Variants in CCDC141 observed in about 807,000 individuals in gnomAD.
CCDC141 encodes coiled-coil domain containing 141.
In CCDC141, 168 loss-of-function variants were observed where a neutral mutation model predicts 181.0. The observed-to-expected ratio is 0.93, with a 90% CI of 0.82 to 1.05. CCDC141 has a LOEUF of 1.05. Among genes scored for constraint, CCDC141 ranks in the 50% least tolerant of loss-of-function variants. CCDC141 has a pLI of 0.00. For missense variants in CCDC141, 1,902 were observed against 1,788.5 expected (o/e 1.06, Z -1.14); for synonymous variants, 666 against 642.3 (o/e 1.04, Z -0.56).
At chr2:178,838,059 C>G (rs1684565506) in intron 22 of CCDC141, among the ~76,000 whole-genome samples, 1 of 152,126 alleles carries the variant, frequency 6.6e-6, no homozygotes, top group African/African-American at 2.4e-5. Context: ...ATCTTTCAAA[C>G]CATGATCTGG....
Position 178,984,347 on chromosome 2 carries a change from GC to G in CCDC141, c.226-5673del, listed in dbSNP as rs201042673. 8.9e-3 allele frequency among the ~76,000 whole-genome samples: 1,355 copies of G among 151,684 alleles called. 20 individuals carry two copies. Among genetic ancestry groups the G allele is most frequent in the African/African-American group, 0.032 (1,304 of 41,322 alleles). ...ACATGGAAAGGAACAACCAGTACCAGCCGCTGCAAAATCATGCCAAAATGTA... is the reference window on the plus strand; with the variant it reads ...ACATGGAAAGGAACAACCAGTACCAGCGCTGCAAAATCATGCCAAAATGTA... On this transcript the variant is annotated intron_variant, in intron 2 of 23. Transcript: ENST00000443758.
intron 2 of CCDC141, among the ~76,000 whole-genome samples, chr2:179,022,911 GCTAA>G (rs10580395): frequency 0.16 from 23,576 of 151,948 alleles, 2,240 homozygotes; most frequent in African/African-American, 0.26. Context: ...CCTCAGTATT[GCTAA>G]CTGAGTGGTC....
chr2:178,956,596 C>G (rs1177576093), intron 5 of CCDC141, among the ~76,000 whole-genome samples: 2 of 152,188 alleles, frequency 1.3e-5, no homozygotes, highest in Non-Finnish European at 2.9e-5. Context: ...ACCACCACGC[C>G]CAGCCTAAGA....
chr2:178,849,924 A>C, intron 21 of CCDC141, 125 bp downstream of exon 21: 1 of 592,530 alleles, frequency 1.7e-6, no homozygotes, highest in Non-Finnish European at 3.0e-6. Flanking sequence ...GAAAGCTGTA[A>C]AACAAATGTG....
At chr2:178,890,080 C>T (rs1687074690) in intron 8 of CCDC141, among the ~76,000 whole-genome samples, 1 of 151,590 alleles carries the variant, frequency 6.6e-6, no homozygotes, top group South Asian at 2.1e-4. Context: ...AATATGGAAA[C>T]CTGGAATGAG....
chr2:179,047,271 C>G lies in CCDC141; in HGVS notation c.225+13G>C. ...CTTTAATTTTGTTTCTGCTTCACAT[C>G]TTAGTATCTTACCTTGAGCTTGGCC... On this transcript the variant is annotated intron_variant, in intron 2 of 23. Transcript: ENST00000443758. 1.3e-6 allele frequency: 2 copies of G among 1,512,066 alleles called. No homozygotes were observed. Among genetic ancestry groups the G allele is most frequent in the Non-Finnish European group, 1.8e-6 (2 of 1,135,976 alleles). The allele number at this position is 1,512,066 out of a possible 1,614,324, so 93.7% of individuals were successfully genotyped here.
At chr2:178,935,933 TA>T (rs1198069554) in intron 6 of CCDC141, among the ~76,000 whole-genome samples, 1 of 152,168 alleles carries the variant, frequency 6.6e-6, no homozygotes, top group African/African-American at 2.4e-5. Flanking sequence ...ATCCACTTTT[TA>T]ATGGAGTTGT....
rs553164971 is a variant in CCDC141, at chr2:179,049,763, A to G, written c.102+77T>C. 4.7e-6 allele frequency: 7 copies of G among 1,480,606 alleles called. No individual in the cohort carries two copies. The African/African-American group carries it at 8.4e-5, about 18-fold the overall frequency. The allele number at this position is 1,480,606 out of a possible 1,614,324, so 91.7% of individuals were successfully genotyped here. A position where few individuals can be genotyped will look rare whatever the true frequency, so the allele number is the denominator to read the frequency against. On this transcript the variant is annotated intron_variant, in intron 1 of 23. Transcript: ENST00000443758. ...CTCTATGCTGTGTCCTGCCGATTGCATGGAATGTTCTTTAGGGTTTTCAAC... is the reference window on the plus strand; with the variant it reads ...CTCTATGCTGTGTCCTGCCGATTGCGTGGAATGTTCTTTAGGGTTTTCAAC...
At chr2:178,903,508 A>G (rs939701798) in intron 8 of CCDC141, among the ~76,000 whole-genome samples, 6 of 151,258 alleles carry the variant, frequency 4.0e-5, no homozygotes, top group Non-Finnish European at 7.4e-5. Context: ...TCGCAAGAAC[A>G]AAAAACCAAA....
intron 2 of CCDC141, among the ~76,000 whole-genome samples, chr2:179,015,296 A>ATC (rs2042445173): frequency 7.8e-6 from 1 of 129,008 alleles, no homozygotes; most frequent in Non-Finnish European, 1.6e-5. Flanking sequence ...CATATATCTC[A>ATC]TATATGTATC....
intron 4 of CCDC141, among the ~76,000 whole-genome samples, chr2:178,971,723 C>G (rs1471219674): frequency 6.6e-6 from 1 of 152,152 alleles, no homozygotes; most frequent in Non-Finnish European, 1.5e-5. Context: ...CATATACACA[C>G]ACCATAGAAT....
chr2:178,902,448 A>T (rs1041656482), intron 8 of CCDC141, among the ~76,000 whole-genome samples: 1 of 152,066 alleles, frequency 6.6e-6, no homozygotes, highest in Non-Finnish European at 1.5e-5. Flanking sequence ...CAGAAATAAC[A>T]CCGCATATCT....
chr2:179,025,571 T>C (rs905534722), intron 2 of CCDC141, among the ~76,000 whole-genome samples: 3 of 152,246 alleles, frequency 2.0e-5, no homozygotes, highest in Non-Finnish European at 4.4e-5. Context: ...AGCCTCTCTC[T>C]TTTGTAAATT....
intron 16 of CCDC141, 58 bp from the exon 17 acceptor site, chr2:178,865,974 A>G: frequency 7.7e-7 from 1 of 1,292,930 alleles, no homozygotes; most frequent in Non-Finnish European, 1.0e-6. Context: ...TAAGACGAGT[A>G]GGCTATTTAC....
chr2:178,865,671 G>A, intron 17 of CCDC141, 96 bp downstream of exon 17: 5 of 1,148,244 alleles, frequency 4.4e-6, no homozygotes, highest in Non-Finnish European at 5.8e-6. Flanking sequence ...GTTTGCATGT[G>A]TGTGGGAGTG....
At chr2:178,826,590 G>A, downstream of CCDC141, among the ~76,000 whole-genome samples, 1 of 151,980 alleles carries the variant, frequency 6.6e-6, no homozygotes, top group East Asian at 1.9e-4. Flanking sequence ...TTAATTATTG[G>A]TTCAATATCT....
At chr2:178,883,142 C>T (rs904607784) in intron 11 of CCDC141, among the ~76,000 whole-genome samples, 31 of 152,162 alleles carry the variant, frequency 2.0e-4, no homozygotes, top group Non-Finnish European at 2.9e-4. Flanking sequence ...GGTTCATTTT[C>T]GGCAATGAAG....
chr2:178,844,557 G>A (rs1575120970), intron 22 of CCDC141, among the ~76,000 whole-genome samples: 1 of 152,192 alleles, frequency 6.6e-6, no homozygotes, highest in East Asian at 1.9e-4. Flanking sequence ...GAGGAATCTG[G>A]GTTTAAGTCG....
At chr2:178,891,668 C>CA (rs898340016) in intron 8 of CCDC141, among the ~76,000 whole-genome samples, 1 of 152,012 alleles carries the variant, frequency 6.6e-6, no homozygotes, top group African/African-American at 2.4e-5. Context: ...CCCTCCAGCA[C>CA]AAAAAATAGG....
Sources: gnomAD v4.1 joint callset for allele counts (sites outside exome capture counted in the v4.1 genomes callset) on GRCh38, gnomAD v4.1.1 for gene constraint, MANE v1.5 for transcripts, NCBI Gene and HGNC (gene_info 2026-07-23, HGNC 2026-07-21) for gene names.